LNX1: variants seen among roughly 807,000 people sequenced by gnomAD.
LNX1 encodes ligand of numb-protein X 1.
In LNX1, 54 loss-of-function variants were observed where a neutral mutation model predicts 68.4. That is an observed-to-expected ratio of 0.79 (90% CI 0.63 to 0.99). LNX1 has a LOEUF of 0.99. Among genes scored for constraint, LNX1 ranks in the 50% least tolerant of loss-of-function variants. The pLI, the probability that LNX1 is intolerant of heterozygous loss-of-function variation, is 0.00. For missense variants in LNX1, 906 were observed against 926.4 expected (o/e 0.98, Z 0.29); for synonymous variants, 336 against 350.0 (o/e 0.96, Z 0.45).
chr4:53,539,106 G>A (rs1402021509), intron 2 of LNX1: 1 of 152,140 alleles, frequency 6.6e-6, no homozygotes, highest in African/African-American at 2.4e-5. Context: ...AAATTTCCTG[G>A]ATAAAATCAG....
At chr4:53,571,030 A>C (rs1577733915) in intron 2 of LNX1, among the ~76,000 whole-genome samples, 2 of 151,818 alleles carry the variant, frequency 1.3e-5, no homozygotes, top group Non-Finnish European at 2.9e-5. Context: ...CCGTCTAAAA[A>C]AAAAAAAAAA....
intron 1 of LNX1, among the ~76,000 whole-genome samples, chr4:53,585,744 C>T (rs954125012): frequency 6.6e-6 from 1 of 152,114 alleles, no homozygotes; most frequent in African/African-American, 2.4e-5. Context: ...CAGAGAAGAC[C>T]CTCTCCTGGA....
chr4:53,642,807 G>A (rs1038431960), intron 1 of LNX1, among the ~76,000 whole-genome samples: 2 of 152,170 alleles, frequency 1.3e-5, no homozygotes, highest in African/African-American at 2.4e-5. Context: ...ATGACCATGA[G>A]AGGGGTCGCT....
intron 9 of LNX1, among the ~76,000 whole-genome samples, chr4:53,470,304 A>T (rs940426519): frequency 6.6e-6 from 1 of 152,250 alleles, no homozygotes; most frequent in African/African-American, 2.4e-5. Flanking sequence ...TCATGCTAAA[A>T]ACTCTCAATA....
intron 2 of LNX1, among the ~76,000 whole-genome samples, chr4:53,560,168 A>G (rs1415496988): frequency 2.6e-5 from 4 of 152,186 alleles, no homozygotes; most frequent in African/African-American, 9.7e-5. Flanking sequence ...TCCTATATAG[A>G]TCAGAACTCT....
intron 1 of LNX1, among the ~76,000 whole-genome samples, chr4:53,582,141 C>A (rs1321747232): frequency 2.2e-4 from 34 of 152,184 alleles, no homozygotes; most frequent in Middle Eastern, 3.4e-3. Flanking sequence ...CTACCAACTA[C>A]TTTTTTGGAT....
chr4:53,554,095 A>C (rs1729712246), intron 2 of LNX1, among the ~76,000 whole-genome samples: 1 of 152,220 alleles, frequency 6.6e-6, no homozygotes, highest in African/African-American at 2.4e-5. Context: ...GAATGTTGCT[A>C]GGTGGAGACT....
Position 53,498,794 on chromosome 4 carries a change from G to C in LNX1, c.825C>G (p.Ile275Met). The change falls in exon 5 of 11, where the codon ATC (isoleucine) becomes ATG (methionine). Residue 275 changes from isoleucine to methionine, a missense_variant. Ile to Met is a conservative substitution (Grantham distance 10, BLOSUM62 1). Coordinates refer to ENST00000263925, the MANE Select transcript of LNX1 (RefSeq NM_001126328.3). ...CACTGGGATCTACTCGATTGATCTT[G>C]ATGCTGGTAATTTCACCATCTGGAA... The part of the protein sequence containing the change: ...HLIPDGEITS[I>M]KINRVDPSES... The C allele has an allele frequency of 6.2e-7, 1 of 1,614,082 alleles. No individual in the cohort carries two copies. Among genetic ancestry groups the C allele is most frequent in the Non-Finnish European group, 8.5e-7 (1 of 1,180,002 alleles).
At chr4:53,557,603 A>C (rs905974561) in intron 2 of LNX1, among the ~76,000 whole-genome samples, 11 of 151,738 alleles carry the variant, frequency 7.2e-5, no homozygotes, top group Non-Finnish European at 1.6e-4. Flanking sequence ...CTATTGAGGA[A>C]AAAGAGTACC....
intron 1 of LNX1, among the ~76,000 whole-genome samples, chr4:53,643,702 C>T (rs1734775142): frequency 6.6e-6 from 1 of 152,194 alleles, no homozygotes; most frequent in African/African-American, 2.4e-5. Context: ...TGTTTTCAAA[C>T]CCAGGTCCTG....
At chr4:53,467,155 A>G (rs1436045711) in intron 9 of LNX1, among the ~76,000 whole-genome samples, 1 of 152,136 alleles carries the variant, frequency 6.6e-6, no homozygotes, top group Non-Finnish European at 1.5e-5. Context: ...CTTCAGAGGA[A>G]TGATCAGGCA....
chr4:53,484,193 G>A (rs565960837), intron 6 of LNX1, among the ~76,000 whole-genome samples: 47 of 152,306 alleles, frequency 3.1e-4, no homozygotes, highest in African/African-American at 1.1e-3. Flanking sequence ...ACCTAGGATA[G>A]TGTATTTTGT....
At chr4:53,650,774 G>A (rs1735070028) in intron 1 of LNX1, among the ~76,000 whole-genome samples, 1 of 151,944 alleles carries the variant, frequency 6.6e-6, no homozygotes. Flanking sequence ...CATGGTTCCA[G>A]AGCATGCATC....
chr4:53,586,955 T>G (rs1199750379), intron 1 of LNX1, among the ~76,000 whole-genome samples: 1 of 152,094 alleles, frequency 6.6e-6, no homozygotes, highest in African/African-American at 2.4e-5. Context: ...TACAGATGAG[T>G]GTATGTGCAG....
At chr4:53,611,178 A>G (rs1182972763) in intron 2 of LNX1, among the ~76,000 whole-genome samples, 1 of 152,138 alleles carries the variant, frequency 6.6e-6, no homozygotes, top group Non-Finnish European at 1.5e-5. Flanking sequence ...ACAGGCAAAA[A>G]TACCATTAGC....
At chr4:53,618,373 ACAAAAAGTACTTT>A (rs1170843233), upstream of LNX1, among the ~76,000 whole-genome samples, 221 of 152,350 alleles carry the variant, frequency 1.5e-3, 2 homozygotes, top group African/African-American at 5.0e-3. Flanking sequence ...AGGCAGAGAC[ACAAAAAGTACTTT>A]CTAAAATAAT....
intron 1 of LNX1, among the ~76,000 whole-genome samples, chr4:53,641,835 T>C (rs1436316298): frequency 6.6e-6 from 1 of 152,220 alleles, no homozygotes; most frequent in African/African-American, 2.4e-5. Flanking sequence ...TCAGGATTTA[T>C]TCATATTGTA....
At chr4:53,597,719 C>G (rs538509056) in intron 2 of LNX1, among the ~76,000 whole-genome samples, 1 of 152,190 alleles carries the variant, frequency 6.6e-6, no homozygotes, top group Non-Finnish European at 1.5e-5. Context: ...AGCTTTGTTT[C>G]CCTTGTTCTA....
intron 2 of LNX1, among the ~76,000 whole-genome samples, chr4:53,569,716 G>A (rs2109767442): frequency 6.7e-6 from 1 of 149,472 alleles, no homozygotes; most frequent in South Asian, 2.2e-4. Flanking sequence ...TACCATCAGA[G>A]TGAACAGGCA....
Sources: allele counts gnomAD v4.1 joint callset (sites outside exome capture counted in the v4.1 genomes callset), GRCh38; gene constraint gnomAD v4.1.1; transcripts MANE v1.5; gene names NCBI Gene and HGNC (gene_info 2026-07-23, HGNC 2026-07-21).